Variants in ATL1 observed in about 807,000 individuals in gnomAD.
ATL1 encodes atlastin-1.
ATL1 carries 31 observed loss-of-function variants against 75.5 expected under a neutral mutation model. The ratio of observed to expected loss-of-function variants is 0.41; its 90% CI spans 0.31 to 0.55. The LOEUF (loss-of-function observed/expected upper bound fraction) is 0.55. ATL1 is among the 20% of genes least tolerant of loss of function. The pLI is 0.27. For synonymous variants in ATL1, 226 were observed against 233.3 expected (o/e 0.97, Z 0.28); for missense variants, 405 against 662.6 (o/e 0.61, Z 4.27).
At chr14:50,613,024 G>A (rs1004769936) in intron 6 of ATL1, among the ~76,000 whole-genome samples, 6 of 151,980 alleles carry the variant, frequency 3.9e-5, no homozygotes, top group Non-Finnish European at 2.9e-5. Context: ...AGTGGGGTGC[G>A]TTCATGCTGG....
chr14:50,621,927 A>C (rs1305194829), intron 10 of ATL1, 28 bp downstream of exon 10: 3 of 1,466,854 alleles, frequency 2.0e-6, no homozygotes, highest in Non-Finnish European at 2.9e-6. Context: ...GGCATGTTTT[A>C]AGACACGTGA....
chr14:50,625,309 G>GACCAAAA (rs1164598373), intron 11 of ATL1, among the ~76,000 whole-genome samples: 2 of 152,154 alleles, frequency 1.3e-5, no homozygotes, highest in African/African-American at 4.8e-5. Context: ...AGAGGTTTTT[G>GACCAAAA]GTTCATGAGG....
intron 8 of ATL1, among the ~76,000 whole-genome samples, chr14:50,619,121 C>T (rs1327390707): frequency 6.6e-6 from 1 of 151,930 alleles, no homozygotes; most frequent in African/African-American, 2.4e-5. Flanking sequence ...GGCGTGATCT[C>T]AGCTCACTGC....
At chr14:50,608,596 T>A (rs2039335938) in intron 6 of ATL1, among the ~76,000 whole-genome samples, 2 of 151,986 alleles carry the variant, frequency 1.3e-5, no homozygotes, top group African/African-American at 2.4e-5. Flanking sequence ...TTGCTAATTT[T>A]AAAAAATGAA....
At chr14:50,604,974 G>A (rs1434931207) in intron 6 of ATL1, among the ~76,000 whole-genome samples, 1 of 152,040 alleles carries the variant, frequency 6.6e-6, no homozygotes, top group Non-Finnish European at 1.5e-5. Flanking sequence ...AGGCAAGGAA[G>A]ATAAGCCTTG....
intron 12 of ATL1, among the ~76,000 whole-genome samples, chr14:50,629,596 A>C (rs866131413): frequency 6.6e-5 from 10 of 152,100 alleles, no homozygotes; most frequent in East Asian, 1.9e-4. Flanking sequence ...AAAAAAAAAA[A>C]AAAACCCTAC....
At chr14:50,627,955 G>A (rs2039537331) in intron 11 of ATL1, 76 bp from the exon 12 acceptor site, 1 of 1,428,014 alleles carries the variant, frequency 7.0e-7, no homozygotes. Context: ...AACTCAACTA[G>A]CTAAGTGAAA....
intron 1 of ATL1, chr14:50,571,963 C>T: frequency 2.3e-6 from 1 of 431,764 alleles, no homozygotes; most frequent in Non-Finnish European, 4.4e-6. Flanking sequence ...TGCATTACCA[C>T]CATTCCAATA....
intron 1 of ATL1, among the ~76,000 whole-genome samples, chr14:50,548,401 T>C (rs577566578): frequency 6.6e-6 from 1 of 152,314 alleles, no homozygotes; most frequent in African/African-American, 2.4e-5. Flanking sequence ...GAGGTCCCAC[T>C]GCCACAGGAT....
At chr14:50,595,752 C>A in intron 6 of ATL1, 120 bp downstream of exon 6, 1 of 837,456 alleles carries the variant, frequency 1.2e-6, no homozygotes, top group Non-Finnish European at 2.0e-6. Context: ...CATTTTTGAA[C>A]TATTTTATGC....
At chr14:50,563,319 T>G (rs2038869949) in intron 1 of ATL1, among the ~76,000 whole-genome samples, 1 of 152,168 alleles carries the variant, frequency 6.6e-6, no homozygotes, top group South Asian at 2.1e-4. Context: ...TTATTTTCTA[T>G]AACATGATAT....
chr14:50,630,568 G>A (rs1566736654), intron 13 of ATL1, among the ~76,000 whole-genome samples: 1 of 152,074 alleles, frequency 6.6e-6, no homozygotes, highest in African/African-American at 2.4e-5. Flanking sequence ...AAAGACTCTA[G>A]GCATCCACGA....
intron 1 of ATL1, among the ~76,000 whole-genome samples, chr14:50,576,303 G>A (rs944938101): frequency 4.6e-5 from 7 of 151,976 alleles, no homozygotes; most frequent in Non-Finnish European, 7.4e-5. Flanking sequence ...TATTTTCAAC[G>A]TATGATGGTT....
At position 50,569,524 on chromosome 14, in the gene ATL1, TTTTTTTAAAAGTA is replaced by T. The variant is rs1160476620; in HGVS notation, c.34+9228_34+9240del. On this transcript the variant is annotated intron_variant, in intron 1 of 13. Transcript: ENST00000358385. The stretch of plus-strand genomic sequence containing the variant: ...TTATATTAGCTTTTGGACTTACAGT[TTTTTTTAAAAGTA>T]TTAGTCTCTTAAACCATATAGAATA... Among the ~76,000 whole-genome samples the T allele has an allele frequency of 1.3e-4, 20 of 152,140 alleles. No homozygotes were observed. The East Asian group carries it at 3.9e-3, about 29-fold the overall frequency.
chr14:50,560,465 C>A, intron 1 of ATL1, 166 bp downstream of exon 1: 1 of 915,882 alleles, frequency 1.1e-6, no homozygotes, highest in Non-Finnish European at 1.7e-6. Context: ...GAACCATGGC[C>A]GAGCGGTACC....
chr14:50,569,163 G>A lies in ATL1; in HGVS notation c.34+8864G>A, dbSNP rs544823662. On this transcript the variant is annotated intron_variant, in intron 1 of 13. Coordinates refer to ENST00000358385, the MANE Select transcript of ATL1 (RefSeq NM_015915.5). ...CCCTGGAGTTCAAGACCAGGAATTCGGGTCAATATGGCAAAACCCTTTCTC... is the reference window on the plus strand; with the variant it reads ...CCCTGGAGTTCAAGACCAGGAATTCAGGTCAATATGGCAAAACCCTTTCTC... 1.6e-3 allele frequency among the ~76,000 whole-genome samples: 247 copies of A among 151,730 alleles called. 3 individuals carry two copies. The highest frequency in any genetic ancestry group is 3.1e-3 in the South Asian group (15 of 4,816).
In ATL1 at chr14:50,584,957, G is replaced by C. The variant is rs1015302829; in HGVS notation, c.35-2874G>C. Reference sequence around the variant, plus strand: ...TTGCTATGCATGTAACTAACAAAGGGATAGCATTCAAAATACATAAAGAAC... The same window carrying C: ...TTGCTATGCATGTAACTAACAAAGGCATAGCATTCAAAATACATAAAGAAC... On this transcript the variant is annotated intron_variant, in intron 1 of 13. Coordinates refer to ENST00000358385, the MANE Select transcript of ATL1 (RefSeq NM_015915.5). Among the ~76,000 whole-genome samples, 4 of 151,982 alleles carry C rather than the reference G, an allele frequency of 2.6e-5. No individual in the cohort carries two copies. The East Asian group carries it at 7.7e-4, about 29-fold the overall frequency.
chr14:50,618,859 ATGTGTG>A (rs71441298), intron 8 of ATL1, among the ~76,000 whole-genome samples: 3 of 147,734 alleles, frequency 2.0e-5, no homozygotes, highest in Non-Finnish European at 3.0e-5. Context: ...TATATAATGT[ATGTGTG>A]TGTGTGTGTG....
At chr14:50,596,521 GA>G (rs2039218922) in intron 6 of ATL1, among the ~76,000 whole-genome samples, 1 of 152,102 alleles carries the variant, frequency 6.6e-6, no homozygotes, top group Non-Finnish European at 1.5e-5. Context: ...AAGTAACAAA[GA>G]AAACACATTA....
Sources: gnomAD v4.1 joint callset for allele counts (sites outside exome capture counted in the v4.1 genomes callset) on GRCh38, gnomAD v4.1.1 for gene constraint, MANE v1.5 for transcripts, NCBI Gene and HGNC (gene_info 2026-07-23, HGNC 2026-07-21) for gene names.